Variants in SRFBP1 observed in about 807,000 individuals in gnomAD.
SRFBP1 encodes serum response factor binding protein 1, also known as serum response factor-binding protein 1.
In SRFBP1, 47 loss-of-function variants were observed where a neutral mutation model predicts 45.5. The observed-to-expected ratio is 1.03, with a 90% CI of 0.82 to 1.32. The LOEUF (loss-of-function observed/expected upper bound fraction) is 1.32. SRFBP1 is among the 40% of genes most tolerant of loss of function. SRFBP1 has a pLI of 0.00. For synonymous variants in SRFBP1, 203 were observed against 166.3 expected, an observed-to-expected ratio of 1.22 and a Z score of -1.70; for missense variants, 621 against 484.6, an observed-to-expected ratio of 1.28 and a Z score of -2.64.
intron 3 of SRFBP1, among the ~76,000 whole-genome samples, chr5:121,983,850 ACTTT>A (rs1341662878): frequency 6.6e-6 from 1 of 151,652 alleles, no homozygotes; most frequent in Non-Finnish European, 1.5e-5. Flanking sequence ...TAGTAAACTT[ACTTT>A]GTTTTATTTT....
chr5:121,977,291 T>C (rs1259587241), intron 3 of SRFBP1, among the ~76,000 whole-genome samples: 1 of 152,038 alleles, frequency 6.6e-6, no homozygotes, highest in Non-Finnish European at 1.5e-5. Context: ...ATTCATAGTA[T>C]ATATATGTCT....
At chr5:121,962,729 C>G (rs1751976221) in intron 1 of SRFBP1, among the ~76,000 whole-genome samples, 1 of 152,190 alleles carries the variant, frequency 6.6e-6, no homozygotes, top group South Asian at 2.1e-4. Context: ...ATTTCTACCA[C>G]TTATCCCCCT....
intron 4 of SRFBP1, among the ~76,000 whole-genome samples, chr5:122,002,508 A>G (rs910202739): frequency 7.9e-5 from 12 of 152,216 alleles, no homozygotes; most frequent in African/African-American, 2.9e-4. Context: ...GATTAGATTT[A>G]GATTTAGAAT....
intron 1 of SRFBP1, among the ~76,000 whole-genome samples, chr5:121,973,480 T>G (rs1440146376): frequency 2.0e-5 from 3 of 151,804 alleles, no homozygotes; most frequent in African/African-American, 7.2e-5. Context: ...CTGAAAGCTG[T>G]TATAATGTGT....
downstream of SRFBP1, chr5:122,075,657 T>A (rs1754596990): frequency 4.5e-6 from 3 of 664,506 alleles, no homozygotes; most frequent in Non-Finnish European, 7.1e-6. Context: ...AACTAGACTA[T>A]CAGTTCCAAG....
At chr5:122,039,086 A>C (rs1300536579) in intron 2 of SRFBP1, among the ~76,000 whole-genome samples, 1 of 152,204 alleles carries the variant, frequency 6.6e-6, no homozygotes, top group Non-Finnish European at 1.5e-5. Context: ...GGATCAGAGG[A>C]CTTCAAAATG....
At chr5:122,068,942 C>T (rs371151482) in intron 2 of SRFBP1, among the ~76,000 whole-genome samples, 7 of 151,970 alleles carry the variant, frequency 4.6e-5, no homozygotes, top group South Asian at 4.2e-4. Context: ...CGGTGGGGGT[C>T]GGGGGTTGGT....
chr5:122,061,708 G>A (rs1459069251), intron 2 of SRFBP1, among the ~76,000 whole-genome samples: 1 of 151,914 alleles, frequency 6.6e-6, no homozygotes, highest in Non-Finnish European at 1.5e-5. Flanking sequence ...GTACCTAAAA[G>A]CATTCAAGTT....
Position 122,019,012 on chromosome 5 carries a change from G to A in SRFBP1, c.271-248G>A, listed in dbSNP as rs369028306. ...CACAATTCTGAGAATATTAAGTATC[G>A]TATCCAAAGAATATTTATTAATGAT... is the stretch of plus-strand genomic sequence containing the variant. On this transcript the variant is annotated intron_variant, in intron 4 of 7. Transcript: ENST00000339397. Among the ~76,000 whole-genome samples, 65 of 152,042 alleles carry A rather than the reference G, an allele frequency of 4.3e-4. 2 individuals carry two copies. The South Asian group carries it at 0.013, about 31-fold the overall frequency.
chr5:121,969,819 C>G (rs1752150431), intron 1 of SRFBP1, among the ~76,000 whole-genome samples: 1 of 151,664 alleles, frequency 6.6e-6, no homozygotes, highest in South Asian at 2.1e-4. Flanking sequence ...GTCTTCAGAC[C>G]CCTTCCTTCT....
chr5:121,977,898 A>T (rs1328726054), intron 3 of SRFBP1, among the ~76,000 whole-genome samples: 1 of 152,144 alleles, frequency 6.6e-6, no homozygotes, highest in Non-Finnish European at 1.5e-5. Context: ...GGTGTATGAA[A>T]CCCAAGTCTT....
intron 3 of SRFBP1, among the ~76,000 whole-genome samples, chr5:121,991,858 A>G (rs751179402): frequency 7.2e-5 from 11 of 152,146 alleles, no homozygotes; most frequent in Non-Finnish European, 1.6e-4. Context: ...AAACTGAGGT[A>G]ATAAACGAGT....
chr5:122,020,065 G>T, intron 5 of SRFBP1, 23 bp from the exon 6 acceptor site: 1 of 1,452,518 alleles, frequency 6.9e-7, no homozygotes, highest in Non-Finnish European at 9.3e-7. Flanking sequence ...GCTAAAATGA[G>T]TGATGCACTG....
chr5:122,003,210 T>G (rs1305605305), intron 4 of SRFBP1, among the ~76,000 whole-genome samples: 2 of 151,952 alleles, frequency 1.3e-5, no homozygotes, highest in African/African-American at 2.4e-5. Context: ...CTGGGCATGG[T>G]GACACACAGC....
intron 1 of SRFBP1, 106 bp from the exon 2 acceptor site, chr5:121,974,090 A>C (rs757168078): frequency 4.8e-5 from 33 of 681,294 alleles, no homozygotes; most frequent in Non-Finnish European, 7.8e-5. Context: ...AGACAATAAA[A>C]GTAGTTAAAG....
chr5:122,047,306 C>T lies in SRFBP1; in HGVS notation n.311+24899C>T, dbSNP rs1467032174. 3.3e-5 allele frequency among the ~76,000 whole-genome samples: 5 copies of T among 152,290 alleles called. No individual in the cohort carries two copies. In the East Asian group the frequency reaches 9.7e-4, roughly 29 times the overall value. ...CAGCACCATTTATTAAATAGGGAATCGTTTCCCCATTGCTTGTTTTTGTCA... is the reference window on the plus strand; with the variant it reads ...CAGCACCATTTATTAAATAGGGAATTGTTTCCCCATTGCTTGTTTTTGTCA... On this transcript the variant is annotated intron_variant and non_coding_transcript_variant, in intron 2 of 2. Coordinates refer to the SRFBP1 transcript ENST00000504881.
intron 1 of SRFBP1, among the ~76,000 whole-genome samples, chr5:121,965,537 C>A (rs964256063): frequency 6.6e-6 from 1 of 152,054 alleles, no homozygotes; most frequent in Non-Finnish European, 1.5e-5. Flanking sequence ...CTGTTCTGTT[C>A]CATTGGTCTA....
intron 4 of SRFBP1, among the ~76,000 whole-genome samples, chr5:122,017,511 C>A (rs1753214705): frequency 6.6e-6 from 1 of 152,184 alleles, no homozygotes; most frequent in Non-Finnish European, 1.5e-5. Flanking sequence ...TGTGATTCCA[C>A]ATAATTTAAT....
chr5:121,967,505 T>C (rs1012303698), intron 1 of SRFBP1, among the ~76,000 whole-genome samples: 3 of 152,186 alleles, frequency 2.0e-5, no homozygotes, highest in African/African-American at 7.2e-5. Flanking sequence ...CAATAAGTTA[T>C]CATCCATATG....
Sources: gnomAD v4.1 joint callset for allele counts (sites outside exome capture counted in the v4.1 genomes callset) on GRCh38, gnomAD v4.1.1 for gene constraint, MANE v1.5 for transcripts, NCBI Gene and HGNC (gene_info 2026-07-23, HGNC 2026-07-21) for gene names.